JADE2: variants seen among roughly 807,000 people sequenced by gnomAD.
JADE2 encodes the protein E3 ubiquitin-protein ligase Jade-2.
JADE2 carries 13 observed loss-of-function variants against 85.7 expected under a neutral mutation model. The observed-to-expected ratio is 0.15, with a 90% CI of 0.10 to 0.24. The LOEUF is 0.24. Ranked by LOEUF, JADE2 falls within the 10% of genes least tolerant of loss-of-function variation. The pLI, the probability that JADE2 is intolerant of heterozygous loss-of-function variation, is 1.00. For missense variants in JADE2, 846 were observed against 1,115.9 expected (o/e 0.76, Z 3.45); for synonymous variants, 440 against 456.1 (o/e 0.96, Z 0.45).
rs1764515557 is a variant in JADE2, at chr5:134,578,400, G to A, written c.1682-94G>A. The stretch of plus-strand genomic sequence containing the variant: ...TGGCACAGGGGGACAGAGAGAAGAC[G>A]ATGCCTGGTGGTGTGCTGGGAGCGT... On this transcript the variant is annotated intron_variant, in intron 11 of 11. Coordinates refer to ENST00000681547, the MANE Select transcript of JADE2 (RefSeq NM_001388185.1). The surrounding 1 kb of genome is among the most constrained non-coding windows in gnomAD (Gnocchi z 4.4). 8 of 930,850 alleles carry A rather than the reference G, an allele frequency of 8.6e-6. No homozygotes were observed. The highest frequency in any genetic ancestry group is 1.6e-5 in the South Asian group (1 of 62,478). 57.7% of individuals were successfully genotyped at this position (930,850 alleles called of 1,614,324 possible).
intron 1 of JADE2, among the ~76,000 whole-genome samples, chr5:134,533,919 A>T (rs1271555017): frequency 1.3e-5 from 2 of 151,666 alleles, no homozygotes; most frequent in Non-Finnish European, 2.9e-5. Flanking sequence ...GCTAATTTTT[A>T]AATTTTTTGT....
intron 9 of JADE2, among the ~76,000 whole-genome samples, chr5:134,570,710 G>C (rs1387176288): frequency 6.6e-6 from 1 of 152,122 alleles, no homozygotes; most frequent in Non-Finnish European, 1.5e-5. Flanking sequence ...GCTCTGACCA[G>C]GTCCCCCCTG....
chr5:134,547,422 A>G (rs1247436366), intron 3 of JADE2, among the ~76,000 whole-genome samples: 2 of 152,270 alleles, frequency 1.3e-5, no homozygotes, highest in African/African-American at 4.8e-5. Context: ...AATTTCTGCC[A>G]AAAGAGAGAA....
At chr5:134,576,704 T>A in intron 10 of JADE2, 64 bp from the exon 11 acceptor site, 1 of 1,544,822 alleles carries the variant, frequency 6.5e-7, no homozygotes, top group Non-Finnish European at 8.7e-7. Context: ...CGCAGGGATC[T>A]TGGTGCTGAC....
intron 4 of JADE2, among the ~76,000 whole-genome samples, chr5:134,555,725 T>A (rs72798656): frequency 0.15 from 22,326 of 152,228 alleles, 1,857 homozygotes; most frequent in African/African-American, 0.22. Context: ...ACAACCAAAT[T>A]ACAGGCTGCA....
intron 3 of JADE2, among the ~76,000 whole-genome samples, chr5:134,545,147 C>T (rs1762214767): frequency 1.3e-5 from 2 of 152,326 alleles, no homozygotes; most frequent in South Asian, 4.1e-4. Context: ...ACCAGCAGTT[C>T]CTTTGCTACC....
intron 11 of JADE2, among the ~76,000 whole-genome samples, chr5:134,577,698 C>G (rs944336148): frequency 6.6e-6 from 1 of 152,110 alleles, no homozygotes. Context: ...TCCTTCATTT[C>G]ACACCCCTCC....
At chr5:134,565,766 G>T (rs1157708272) in intron 8 of JADE2, among the ~76,000 whole-genome samples, 1 of 151,148 alleles carries the variant, frequency 6.6e-6, no homozygotes, top group Non-Finnish European at 1.5e-5. Flanking sequence ...CTGGGAAGCG[G>T]AGGTTGCGGT....
intron 1 of JADE2, chr5:134,526,893 G>T: frequency 1.9e-6 from 1 of 524,260 alleles, no homozygotes; most frequent in Non-Finnish European, 2.4e-6. Flanking sequence ...GCGGCGGCCG[G>T]AGCGGCGGGT....
rs559462508 is a variant in JADE2 at position 134,576,899 on chromosome 5, G to A, written c.1681+3G>A. On this transcript the variant is annotated splice_donor_region_variant and intron_variant, in intron 11 of 11. Transcript: ENST00000681547. ...TGACTCAGTCCTGGGGCAGCTGGGT[G>A]AGTGAGGGCCATGCTGGCCTGCAGA... 1 of 1,536,394 alleles carries A rather than the reference G, an allele frequency of 6.5e-7. No homozygotes were observed. The highest frequency in any genetic ancestry group is 2.4e-5 in the East Asian group (1 of 40,868).
rs1764581649 is a variant in JADE2, at chr5:134,579,257, G to C, written c.2445G>C (p.Gln815His). The C allele has an allele frequency of 6.2e-7, 1 of 1,613,736 alleles. No individual in the cohort carries two copies. Residue 815 changes from glutamine to histidine, a missense_variant, in exon 12 of 12, where the codon CAG (glutamine) becomes CAC (histidine). By Grantham distance (24) the Gln-to-His change is conservative. Around this residue, in one of 9 missense-constraint regions of JADE2, gnomAD observed 300 missense variants for 300.7 expected, o/e 1.00. Transcript: ENST00000681547. The surrounding 1 kb of genome is among the most constrained non-coding windows in gnomAD (Gnocchi z 4.6). ...SDVEAEDGGV[Q>H]RGPREAGAEE... Reference sequence around the variant, plus strand: ...TAGAGGCCGAGGACGGTGGGGTGCAGCGGGGTCCCCGGGAGGCAGGGGCAG... The same window carrying C: ...TAGAGGCCGAGGACGGTGGGGTGCACCGGGGTCCCCGGGAGGCAGGGGCAG...
rs10056247 is a variant in JADE2, at chr5:134,562,446, C to T, written c.852+79C>T. On this transcript the variant is annotated intron_variant, in intron 7 of 11. Transcript: ENST00000681547. This position sits in a 1 kb window ranked among gnomAD's most constrained non-coding sequence, Gnocchi z 4.6. ...TCTGCATGGGACTCAGGTAGCAGAG[C>T]ACTGGGAAAAGAAGGTGATGGACTC... The T allele has an allele frequency of 0.27, 375,682 of 1,377,858 alleles. 52,904 individuals are homozygous for T. Among genetic ancestry groups the T allele is most frequent in the Middle Eastern group, 0.33 (1,535 of 4,684 alleles). 85.4% of individuals were successfully genotyped at this position (1,377,858 alleles called of 1,614,324 possible).
Position 134,582,187 on chromosome 5 carries a change from A to C in JADE2, c.*2870A>C, listed in dbSNP as rs931825724. On this transcript the variant is annotated 3_prime_UTR_variant, in exon 12 of 12. Coordinates refer to ENST00000681547, the MANE Select transcript of JADE2 (RefSeq NM_001388185.1). ...ATGACAAAGGATAATGTGCAAGAAA[A>C]GTATTTTTATGTATCATAAATGTAT... 1 of 152,286 alleles carries C rather than the reference A, an allele frequency of 6.6e-6. No homozygotes were observed. Among genetic ancestry groups the C allele is most frequent in the Non-Finnish European group, 1.5e-5 (1 of 68,074 alleles). The allele number at this position is 152,286 out of a possible 1,614,324, so 9.4% of individuals were successfully genotyped here. A position where few individuals can be genotyped will look rare whatever the true frequency, so the allele number is the denominator to read the frequency against.
intron 4 of JADE2, among the ~76,000 whole-genome samples, chr5:134,556,272 G>A (rs1227881242): frequency 6.6e-6 from 1 of 152,218 alleles, no homozygotes; most frequent in Admixed American, 6.5e-5. Flanking sequence ...ACCAGCGGGG[G>A]GTGGGAAGAG....
intron 3 of JADE2, among the ~76,000 whole-genome samples, chr5:134,539,131 G>C (rs1453606042): frequency 1.3e-5 from 2 of 151,112 alleles, no homozygotes; most frequent in Non-Finnish European, 2.9e-5. Flanking sequence ...GCGTGATCTC[G>C]GCTCACTGCA....
rs375468796 is a variant in JADE2 at position 134,578,750 on chromosome 5, C to G, written c.1938C>G (p.Ala646=). 1 of 1,613,706 alleles carries G rather than the reference C, an allele frequency of 6.2e-7. No individual in the cohort carries two copies. The highest frequency in any genetic ancestry group is 1.3e-5 in the African/African-American group (1 of 75,038). ...CCCGAGGCCGCACCCGCCTGCCTGC[C>G]AAGAAGAAACCACCACCACCACCAC... The part of the protein sequence containing the change: ...RKARGRTRLP[A]KKKPPPPPPQ... Residue 646 remains alanine, a synonymous_variant, in exon 12 of 12, where the codon GCC becomes GCG. Coordinates refer to ENST00000681547, the MANE Select transcript of JADE2 (RefSeq NM_001388185.1). This position sits in a 1 kb window ranked among gnomAD's most constrained non-coding sequence, Gnocchi z 4.4.
At chr5:134,564,893 T>C (rs1410891580) in intron 8 of JADE2, among the ~76,000 whole-genome samples, 2 of 152,212 alleles carry the variant, frequency 1.3e-5, no homozygotes, top group Non-Finnish European at 2.9e-5. Flanking sequence ...GTCTTGGGGC[T>C]TGATGAATAC....
At chr5:134,530,559 G>A (rs897465030) in intron 1 of JADE2, among the ~76,000 whole-genome samples, 19 of 152,234 alleles carry the variant, frequency 1.2e-4, no homozygotes, top group African/African-American at 4.6e-4. Context: ...CTGGAAGGGC[G>A]TTAATGGAGG....
At chr5:134,544,871 A>T (rs916288627) in intron 3 of JADE2, among the ~76,000 whole-genome samples, 1 of 152,126 alleles carries the variant, frequency 6.6e-6, no homozygotes, top group African/African-American at 2.4e-5. Context: ...CCATGCTTTT[A>T]AAAATGGAAT....
Sources: gnomAD v4.1 joint callset for allele counts (sites outside exome capture counted in the v4.1 genomes callset) on GRCh38, gnomAD v4.1.1 for gene constraint, gnomAD v4.1.1 regional missense constraint, Gnocchi (gnomAD v3.1) non-coding constraint, MANE v1.5 for transcripts, NCBI Gene and HGNC (gene_info 2026-07-23, HGNC 2026-07-21) for gene names.